The following ESRRB variants were observed in gnomAD, a reference collection of about 807,000 sequenced individuals.
The protein encoded by ESRRB is estrogen related receptor beta.
ESRRB carries 16 observed loss-of-function variants against 46.0 expected under a neutral mutation model. The ratio of observed to expected loss-of-function variants is 0.35; its 90% CI spans 0.24 to 0.53. ESRRB has a LOEUF of 0.53. Ranked by LOEUF, ESRRB falls within the 20% of genes least tolerant of loss-of-function variation. ESRRB has a pLI of 0.93. For missense variants in ESRRB, 488 were observed against 607.4 expected, an observed-to-expected ratio of 0.80 and a Z score of 2.07; for synonymous variants, 246 against 259.6, an observed-to-expected ratio of 0.95 and a Z score of 0.50.
At chr14:76,361,004 C>G (rs1190700326) in intron 1 of ESRRB, among the ~76,000 whole-genome samples, 1 of 152,212 alleles carries the variant, frequency 6.6e-6, no homozygotes, top group Non-Finnish European at 1.5e-5. Context: ...CATCTTATAC[C>G]CATGCACCTA....
At position 76,376,434 on chromosome 14, in the gene ESRRB, C is replaced by T; in HGVS notation, c.33C>T (p.Pro11=). 2 of 1,231,770 alleles carry T rather than the reference C, an allele frequency of 1.6e-6. No homozygotes were observed. The highest frequency in any genetic ancestry group is 2.0e-6 in the Non-Finnish European group (2 of 988,016). The allele number at this position is 1,231,770 out of a possible 1,614,324, so 76.3% of individuals were successfully genotyped here. Residue 11 remains proline, a synonymous_variant, in exon 1 of 7, where the codon CCC becomes CCT. Transcript: ENST00000644823. This position sits in a 1 kb window ranked among gnomAD's most constrained non-coding sequence, Gnocchi z 4.1. ...TGTCCGAACTCTGCATCCCGGACCCCCTCGGCTACCACAACCAGTAGGTGC... is the reference window on the plus strand; with the variant it reads ...TGTCCGAACTCTGCATCCCGGACCCTCTCGGCTACCACAACCAGTAGGTGC... The part of the protein sequence containing the change: MDVSELCIPD[P]LGYHNQLLNR...
intron 1 of ESRRB, among the ~76,000 whole-genome samples, chr14:76,408,591 C>CAAAAAAAAAAAAAA (rs35955826): frequency 1.2e-4 from 5 of 42,152 alleles, no homozygotes; most frequent in African/African-American, 4.2e-4. Flanking sequence ...GACCCTGTCT[C>CAAAAAAAAAAAAAA]AAAAAAAAAA....
chr14:76,445,158 G>A (rs1888079660), intron 2 of ESRRB, among the ~76,000 whole-genome samples: 1 of 135,536 alleles, frequency 7.4e-6, no homozygotes, highest in South Asian at 2.7e-4. Context: ...GGGCAACAGA[G>A]CTGGAGTTTC....
Position 76,482,909 on chromosome 14 carries a change from C to G in ESRRB, c.850+150C>G. 1.1e-6 allele frequency: 1 copy of G among 898,368 alleles called. No homozygotes were observed. The highest frequency in any genetic ancestry group is 1.8e-6 in the Non-Finnish European group (1 of 565,902). 55.6% of individuals were successfully genotyped at this position (898,368 alleles called of 1,614,324 possible). On this transcript the variant is annotated intron_variant, in intron 5 of 6. Transcript: ENST00000644823. This position sits in a 1 kb window ranked among gnomAD's most constrained non-coding sequence, Gnocchi z 4.3. ...AGGCCTGTTTCTCTGAGCTCCTCTT[C>G]TCTCCTTGTAGCATTGGAGAGGAAC...
In ESRRB at chr14:76,353,116, C is replaced by A. The variant is rs542014992; in HGVS notation, c.2+42200C>A. On this transcript the variant is annotated intron_variant, in intron 1 of 6. Transcript: ENST00000512784. ...TTGTGAGAAAAGCTGCCTCGCTCTG[C>A]GGCCTCTCTCACGAGCGTGCCATTG... Among the ~76,000 whole-genome samples the A allele has an allele frequency of 2.6e-5, 4 of 152,356 alleles. No homozygotes were observed. In the South Asian group the frequency reaches 6.2e-4, roughly 24 times the overall value.
chr14:76,333,158 A>T (rs1324503757), intron 1 of ESRRB, among the ~76,000 whole-genome samples: 4 of 8,280 alleles, frequency 4.8e-4, no homozygotes, highest in African/African-American at 1.2e-3. Context: ...ATTATATATA[A>T]TATATATTAT....
intron 1 of ESRRB, among the ~76,000 whole-genome samples, chr14:76,315,210 C>T (rs577039521): frequency 1.3e-5 from 2 of 152,114 alleles, no homozygotes; most frequent in Non-Finnish European, 2.9e-5. Flanking sequence ...GCACCTTCTC[C>T]CTTTTCCTGG....
chr14:76,411,545 A>T (rs1566883307), intron 1 of ESRRB, among the ~76,000 whole-genome samples: 1 of 152,004 alleles, frequency 6.6e-6, no homozygotes, highest in Non-Finnish European at 1.5e-5. Flanking sequence ...GAGTGTGTTG[A>T]GTGAATCCTC....
intron 2 of ESRRB, among the ~76,000 whole-genome samples, chr14:76,455,062 C>G (rs1340872549): frequency 7.7e-6 from 1 of 129,716 alleles, no homozygotes; most frequent in African/African-American, 2.9e-5. Context: ...ACTAAAAATA[C>G]AAAAATTAGC....
intron 1 of ESRRB, among the ~76,000 whole-genome samples, chr14:76,351,131 A>G (rs994256325): frequency 1.3e-5 from 2 of 152,192 alleles, no homozygotes; most frequent in Non-Finnish European, 2.9e-5. Flanking sequence ...GTGGGGCTGG[A>G]GTGAGAAAAA....
At chr14:76,466,335 G>GT (rs1177980929) in intron 3 of ESRRB, among the ~76,000 whole-genome samples, 19 of 152,052 alleles carry the variant, frequency 1.2e-4, no homozygotes, top group African/African-American at 4.6e-4. Flanking sequence ...CCTTTCTTAG[G>GT]TAAAATAATC....
intron 1 of ESRRB, among the ~76,000 whole-genome samples, chr14:76,387,212 G>A (rs1353577636): frequency 6.6e-6 from 1 of 152,192 alleles, no homozygotes; most frequent in Non-Finnish European, 1.5e-5. Context: ...CTCGCCAACA[G>A]GGTACCAGCG....
intron 3 of ESRRB, among the ~76,000 whole-genome samples, chr14:76,465,820 CG>C (rs1889085707): frequency 6.6e-6 from 1 of 152,226 alleles, no homozygotes; most frequent in Non-Finnish European, 1.5e-5. Context: ...GATCCAAGAG[CG>C]GGGAGATGAC....
chr14:76,439,769 G>A lies in ESRRB; in HGVS notation c.460+19G>A, dbSNP rs755439000. On this transcript the variant is annotated intron_variant, in intron 2 of 6. Coordinates refer to ENST00000644823, the MANE Select transcript of ESRRB (RefSeq NM_001379180.1). ...ATCCAAGGTGCGTGGTGGGCCTCAAGGAGCCTGGGCGCAGGGTTGGGGGTG... is the reference window on the plus strand; with the variant it reads ...ATCCAAGGTGCGTGGTGGGCCTCAAAGAGCCTGGGCGCAGGGTTGGGGGTG... The A allele has an allele frequency of 2.5e-6, 4 of 1,611,122 alleles. No individual in the cohort carries two copies. Among genetic ancestry groups the A allele is most frequent in the Non-Finnish European group, 3.4e-6 (4 of 1,177,598 alleles).
intron 1 of ESRRB, among the ~76,000 whole-genome samples, chr14:76,360,777 A>G (rs747615603): frequency 6.6e-6 from 1 of 152,188 alleles, no homozygotes. Context: ...AAGACTTAAC[A>G]GTTGATAGAT....
At chr14:76,370,859 G>C (rs1884606519), upstream of ESRRB, among the ~76,000 whole-genome samples, 1 of 152,208 alleles carries the variant, frequency 6.6e-6, no homozygotes, top group Admixed American at 6.5e-5. Flanking sequence ...CAGGAAGAAA[G>C]AATCTATGGT....
chr14:76,386,769 G>A (rs571818266), intron 1 of ESRRB, among the ~76,000 whole-genome samples: 15 of 152,250 alleles, frequency 9.9e-5, no homozygotes, highest in African/African-American at 3.4e-4. Flanking sequence ...TAGGCTGGCC[G>A]TGCCCTTAGA....
rs558666448 is a variant in ESRRB, at chr14:76,339,134, A to C, written c.2+28218A>C. 4.6e-5 allele frequency among the ~76,000 whole-genome samples: 7 copies of C among 152,248 alleles called. No individual in the cohort carries two copies. The South Asian group carries it at 1.2e-3, about 27-fold the overall frequency. On this transcript the variant is annotated intron_variant, in intron 1 of 6. Transcript: ENST00000512784. ...ATGTATCTTTCTAGGGCCCTAAAAA[A>C]TCTTTTAAATAATGTGTATATCATA...
chr14:76,361,975 A>G (rs1884470204), intron 1 of ESRRB, among the ~76,000 whole-genome samples: 1 of 152,204 alleles, frequency 6.6e-6, no homozygotes. Context: ...CACAGTAACA[A>G]GGTCAGCCAC....
Sources: gnomAD v4.1 joint callset for allele counts (sites outside exome capture counted in the v4.1 genomes callset) on GRCh38, gnomAD v4.1.1 for gene constraint, Gnocchi (gnomAD v3.1) non-coding constraint, MANE v1.5 for transcripts, NCBI Gene and HGNC (gene_info 2026-07-23, HGNC 2026-07-21) for gene names.